The following HPSE variants were observed in gnomAD, a reference collection of about 807,000 sequenced individuals.
The protein encoded by HPSE is heparanase.
HPSE carries 48 observed loss-of-function variants against 65.1 expected under a neutral mutation model. The observed-to-expected ratio is 0.74, with a 90% CI of 0.58 to 0.94. The LOEUF is 0.94. Ranked by LOEUF, HPSE falls within the 40% of genes least tolerant of loss-of-function variation. HPSE has a pLI of 0.00. For synonymous variants in HPSE, 243 were observed against 260.0 expected (o/e 0.93, Z 0.63); for missense variants, 644 against 637.5 (o/e 1.01, Z -0.11).
intron 1 of HPSE, among the ~76,000 whole-genome samples, chr4:83,333,844 TAAAA>T (rs60480415): frequency 7.1e-6 from 1 of 141,306 alleles, no homozygotes; most frequent in Non-Finnish European, 1.5e-5. Flanking sequence ...TTCATCTGCC[TAAAA>T]AAAAAAAAAG....
intron 11 of HPSE, among the ~76,000 whole-genome samples, chr4:83,297,493 A>G (rs1041854842): frequency 1.4e-4 from 22 of 152,182 alleles, no homozygotes; most frequent in Admixed American, 2.6e-4. Context: ...TGGTGTGAGT[A>G]TATTAGTTTA....
chr4:83,321,402 C>T (rs1245884675), intron 2 of HPSE, among the ~76,000 whole-genome samples: 2 of 152,130 alleles, frequency 1.3e-5, no homozygotes, highest in African/African-American at 4.8e-5. Flanking sequence ...AAATATTCCT[C>T]ATAATGAATA....
At chr4:83,312,660 A>G (rs1019466876) in intron 4 of HPSE, among the ~76,000 whole-genome samples, 8 of 132,424 alleles carry the variant, frequency 6.0e-5, no homozygotes, top group African/African-American at 2.4e-4. Context: ...CCTGGGCGAC[A>G]GAGCGAGACT....
chr4:83,297,487 G>A (rs1233155223), intron 11 of HPSE, among the ~76,000 whole-genome samples: 2 of 152,070 alleles, frequency 1.3e-5, no homozygotes, highest in African/African-American at 4.8e-5. Flanking sequence ...ATTCCATGGT[G>A]TGAGTATATT....
upstream of HPSE, chr4:83,335,101 C>T: frequency 3.5e-6 from 1 of 288,076 alleles, no homozygotes; most frequent in East Asian, 6.1e-5. Flanking sequence ...TCCAAGCGCC[C>T]GGGAGGCCTG....
At chr4:83,307,233 A>T (rs571582149) in intron 8 of HPSE, among the ~76,000 whole-genome samples, 1 of 152,194 alleles carries the variant, frequency 6.6e-6, no homozygotes. Flanking sequence ...CCCTGTCTTG[A>T]TAATTGGCTC....
chr4:83,315,660 G>A (rs1172063952), intron 3 of HPSE, among the ~76,000 whole-genome samples: 3 of 152,168 alleles, frequency 2.0e-5, no homozygotes, highest in African/African-American at 7.2e-5. Flanking sequence ...ATGAACAGGG[G>A]TAATATCTTT....
intron 11 of HPSE, among the ~76,000 whole-genome samples, chr4:83,299,601 T>A (rs1735863671): frequency 6.6e-6 from 1 of 152,160 alleles, no homozygotes; most frequent in African/African-American, 2.4e-5. Context: ...GCGTGCTTAC[T>A]GTACTGCCTC....
chr4:83,306,648 G>C (rs543842132), intron 8 of HPSE, among the ~76,000 whole-genome samples: 3 of 152,264 alleles, frequency 2.0e-5, no homozygotes, highest in Non-Finnish European at 4.4e-5. Context: ...CCTTTAAGCT[G>C]TCCTTCTTCA....
chr4:83,320,715 G>A (rs923413471), intron 2 of HPSE, among the ~76,000 whole-genome samples: 6 of 152,220 alleles, frequency 3.9e-5, no homozygotes, highest in Non-Finnish European at 2.9e-5. Flanking sequence ...ACACTGACTC[G>A]CTGGCGGCTG....
At chr4:83,302,634 C>A (rs564595105) in intron 9 of HPSE, among the ~76,000 whole-genome samples, 1 of 152,328 alleles carries the variant, frequency 6.6e-6, no homozygotes, top group Admixed American at 6.5e-5. Flanking sequence ...CACATGTACA[C>A]ACAAAGACAA....
intron 3 of HPSE, among the ~76,000 whole-genome samples, chr4:83,316,858 G>A (rs1736667148): frequency 6.6e-6 from 1 of 151,974 alleles, no homozygotes; most frequent in African/African-American, 2.4e-5. Context: ...GTATCTTCTG[G>A]GACACCCGTT....
At position 83,326,640 on chromosome 4, in the gene HPSE, T is replaced by G. The variant is rs1015309582; in HGVS notation, c.228-4276A>C. On this transcript the variant is annotated intron_variant, in intron 1 of 11. Transcript: ENST00000311412. The surrounding 1 kb of genome is among the most constrained non-coding windows in gnomAD (Gnocchi z 4.2). ...GACAGGCGAGTCCTCAGTAGAAATG[T>G]CAGGGACTGGCAACCCCTAGCTCAC... Among the ~76,000 whole-genome samples, 1 of 152,146 alleles carries G rather than the reference T, an allele frequency of 6.6e-6. No homozygotes were observed. The highest frequency in any genetic ancestry group is 2.4e-5 in the African/African-American group (1 of 41,420).
intron 1 of HPSE, among the ~76,000 whole-genome samples, chr4:83,331,462 A>G (rs2126199042): frequency 6.6e-6 from 1 of 152,318 alleles, no homozygotes; most frequent in East Asian, 1.9e-4. Flanking sequence ...TATGAGGCCC[A>G]CATTATATTA....
At chr4:83,329,798 T>C (rs1181632663) in intron 1 of HPSE, among the ~76,000 whole-genome samples, 3 of 152,156 alleles carry the variant, frequency 2.0e-5, no homozygotes, top group African/African-American at 7.2e-5. Context: ...TCATCTAGGA[T>C]GATGGTGAGA....
chr4:83,302,398 G>T (rs2126184140), intron 9 of HPSE, 130 bp from the exon 10 acceptor site: 12 of 598,838 alleles, frequency 2.0e-5, no homozygotes, highest in East Asian at 2.9e-5. Context: ...CATTTAAATA[G>T]GATTCATCTT....
At chr4:83,318,900 C>A (rs1659306488) in intron 3 of HPSE, among the ~76,000 whole-genome samples, 1 of 152,120 alleles carries the variant, frequency 6.6e-6, no homozygotes, top group South Asian at 2.1e-4. Flanking sequence ...GTGGCCAAGA[C>A]TGTCTGGAGT....
intron 3 of HPSE, among the ~76,000 whole-genome samples, chr4:83,317,560 A>T (rs1192114451): frequency 6.6e-6 from 1 of 152,244 alleles, no homozygotes; most frequent in Non-Finnish European, 1.5e-5. Flanking sequence ...ACCTGGTTGC[A>T]TAGTTAGCAA....
At chr4:83,317,391 G>T (rs575722871) in intron 3 of HPSE, among the ~76,000 whole-genome samples, 2 of 152,332 alleles carry the variant, frequency 1.3e-5, no homozygotes, top group South Asian at 4.1e-4. Flanking sequence ...ACAATGAGTA[G>T]GTGCCCAAAC....
Sources: gnomAD v4.1 joint callset for allele counts (sites outside exome capture counted in the v4.1 genomes callset) on GRCh38, gnomAD v4.1.1 for gene constraint, Gnocchi (gnomAD v3.1) non-coding constraint, MANE v1.5 for transcripts, NCBI Gene and HGNC (gene_info 2026-07-23, HGNC 2026-07-21) for gene names.